Variants in LRP1B observed in about 807,000 individuals in gnomAD.
LRP1B encodes the protein LDL receptor related protein 1B.
In LRP1B, 217 loss-of-function variants were observed where a neutral mutation model predicts 556.6. That is an observed-to-expected ratio of 0.39 (90% CI 0.35 to 0.44). The LOEUF (loss-of-function observed/expected upper bound fraction) is 0.44, where lower values mean the gene tolerates loss of function less well. LRP1B is among the 20% of genes least tolerant of loss of function. The pLI is 1.00. For synonymous variants in LRP1B, 2,047 were observed against 1,865.8 expected, an observed-to-expected ratio of 1.10 and a Z score of -2.50; for missense variants, 5,053 against 5,620.8, an observed-to-expected ratio of 0.90 and a Z score of 3.23.
chr2:140,849,935 C>A (rs1017690599), intron 29 of LRP1B, among the ~76,000 whole-genome samples, 167 bp downstream of exon 29: 1 of 152,048 alleles, frequency 6.6e-6, no homozygotes, highest in Non-Finnish European at 1.5e-5. Context: ...TTTAATTATA[C>A]CATTCTACAA....
At chr2:140,667,335 T>G (rs941954169) in intron 41 of LRP1B, among the ~76,000 whole-genome samples, 1 of 152,192 alleles carries the variant, frequency 6.6e-6, no homozygotes, top group Non-Finnish European at 1.5e-5. Flanking sequence ...CATCAGGCAA[T>G]AGAGTTGAAC....
intron 31 of LRP1B, among the ~76,000 whole-genome samples, chr2:140,825,080 A>G (rs1573768499): frequency 6.6e-6 from 1 of 152,128 alleles, no homozygotes; most frequent in African/African-American, 2.4e-5. Flanking sequence ...TAACAGAGCT[A>G]AAAAGTAAAA....
intron 1 of LRP1B, among the ~76,000 whole-genome samples, chr2:141,965,513 G>T (rs1242746694): frequency 7.6e-5 from 7 of 91,780 alleles, no homozygotes; most frequent in Non-Finnish European, 1.3e-4. Context: ...ACCAAACACC[G>T]CATATTCTCA....
intron 3 of LRP1B, among the ~76,000 whole-genome samples, chr2:141,383,801 A>G (rs1034865050): frequency 6.6e-6 from 1 of 152,238 alleles, no homozygotes; most frequent in African/African-American, 2.4e-5. Flanking sequence ...AATATAAAAT[A>G]GTCAAACTCA....
chr2:140,348,828 G>A (rs541737878), intron 77 of LRP1B, among the ~76,000 whole-genome samples: 1 of 152,144 alleles, frequency 6.6e-6, no homozygotes, highest in African/African-American at 2.4e-5. Flanking sequence ...GAGTGAATTT[G>A]GCTTCTAATC....
chr2:141,757,768 C>A (rs1169063683), intron 2 of LRP1B, among the ~76,000 whole-genome samples: 1 of 152,038 alleles, frequency 6.6e-6, no homozygotes, highest in Non-Finnish European at 1.5e-5. Flanking sequence ...TACTCCTGGG[C>A]TCAAGTGATC....
intron 2 of LRP1B, among the ~76,000 whole-genome samples, chr2:141,797,948 T>C (rs1442438483): frequency 6.6e-6 from 1 of 152,170 alleles, no homozygotes; most frequent in East Asian, 1.9e-4. Context: ...TAGAAACCTA[T>C]GACAATTATA....
intron 2 of LRP1B, among the ~76,000 whole-genome samples, chr2:141,777,219 GA>G (rs1695108116): frequency 1.3e-5 from 2 of 152,146 alleles, no homozygotes. Context: ...CTAGTAGGAT[GA>G]GGGGCACCTT....
At chr2:140,868,766 A>T (rs1693032494) in intron 25 of LRP1B, among the ~76,000 whole-genome samples, 1 of 152,126 alleles carries the variant, frequency 6.6e-6, no homozygotes, top group Non-Finnish European at 1.5e-5. Context: ...TTGTAGGGTA[A>T]GAGAATTATT....
intron 3 of LRP1B, among the ~76,000 whole-genome samples, chr2:141,265,214 A>G (rs1039861509): frequency 6.6e-6 from 1 of 152,176 alleles, no homozygotes; most frequent in African/African-American, 2.4e-5. Flanking sequence ...TAGAGATACC[A>G]GCGGCTGCAG....
At chr2:140,395,195 G>A (rs569544579) in intron 66 of LRP1B, among the ~76,000 whole-genome samples, 2 of 152,188 alleles carry the variant, frequency 1.3e-5, no homozygotes, top group South Asian at 4.1e-4. Context: ...TAATTCCCAG[G>A]CTATCTCATT....
At position 141,892,791 on chromosome 2, in the gene LRP1B, G is replaced by A. The variant is rs549351419; in HGVS notation, c.83-82390C>T. On this transcript the variant is annotated intron_variant, in intron 1 of 90. Coordinates refer to ENST00000389484, the MANE Select transcript of LRP1B (RefSeq NM_018557.3). ...GTTCAGCATTCTCTATTTCCCAGAC[G>A]CTAAAAAGTTTAATAAAAATGAGAA... 9.9e-5 allele frequency among the ~76,000 whole-genome samples: 15 copies of A among 152,092 alleles called. No homozygotes were observed. In the South Asian group the frequency reaches 2.9e-3, roughly 29 times the overall value.
chr2:140,758,884 T>C (rs902741891), intron 35 of LRP1B, among the ~76,000 whole-genome samples: 5 of 152,066 alleles, frequency 3.3e-5, no homozygotes, highest in Admixed American at 2.6e-4. Context: ...TAGTATGTCA[T>C]AGGAAACAAA....
chr2:142,064,257 A>G (rs1427609362), intron 1 of LRP1B, among the ~76,000 whole-genome samples: 2 of 151,496 alleles, frequency 1.3e-5, no homozygotes, highest in Non-Finnish European at 3.0e-5. Flanking sequence ...ACATTGGACA[A>G]TGATTAATAT....
chr2:141,465,499 A>G (rs1349532192), intron 3 of LRP1B, among the ~76,000 whole-genome samples: 1 of 149,702 alleles, frequency 6.7e-6, no homozygotes, highest in Admixed American at 6.7e-5. Flanking sequence ...CTTTATGGAC[A>G]TTTATCTAGG....
At chr2:141,170,188 T>G (rs1297383987) in intron 7 of LRP1B, among the ~76,000 whole-genome samples, 1 of 152,070 alleles carries the variant, frequency 6.6e-6, no homozygotes, top group Non-Finnish European at 1.5e-5. Flanking sequence ...GTCCTAGAAA[T>G]GAAAACTGAA....
chr2:142,038,436 G>A (rs1230606680), intron 1 of LRP1B, among the ~76,000 whole-genome samples: 1 of 151,536 alleles, frequency 6.6e-6, no homozygotes, highest in Non-Finnish European at 1.5e-5. Flanking sequence ...CTGATATTTG[G>A]TACATTTAGT....
At position 140,701,833 on chromosome 2, in the gene LRP1B, G is replaced by A. The variant is rs1028832478; in HGVS notation, c.6315C>T (p.Asn2105=). 29 of 1,612,790 alleles carry A rather than the reference G, an allele frequency of 1.8e-5. No homozygotes were observed. The highest frequency in any genetic ancestry group is 6.7e-5 in the African/African-American group (5 of 74,784). Residue 2105 remains asparagine, a synonymous_variant, in exon 40 of 91, where the codon AAC becomes AAT. Transcript: ENST00000389484. ...TCTTGTGGCCCCTTCTGACAGACCC[G>A]TTTGCATGTGCTCTGCCAAAAAGTT... ...YIYWSDRAHA[N]GSVRRGHKND...
At chr2:141,079,905 G>A (rs1699883374) in intron 7 of LRP1B, among the ~76,000 whole-genome samples, 1 of 152,154 alleles carries the variant, frequency 6.6e-6, no homozygotes, top group African/African-American at 2.4e-5. Context: ...TATAATCTTT[G>A]TGGAATAATC....
Sources: gnomAD v4.1 joint callset for allele counts (sites outside exome capture counted in the v4.1 genomes callset) on GRCh38, gnomAD v4.1.1 for gene constraint, MANE v1.5 for transcripts, NCBI Gene and HGNC (gene_info 2026-07-23, HGNC 2026-07-21) for gene names.